NKAIN2: variants seen among roughly 807,000 people sequenced by gnomAD.
The protein encoded by NKAIN2 is sodium/potassium-transporting ATPase subunit beta-1-interacting protein 2.
NKAIN2 carries 14 observed loss-of-function variants against 32.6 expected under a neutral mutation model. The ratio of observed to expected loss-of-function variants is 0.43; its 90% CI spans 0.28 to 0.67. The LOEUF is 0.67. Among genes scored for constraint, NKAIN2 ranks in the 30% least tolerant of loss-of-function variants. NKAIN2 has a pLI of 0.17. For synonymous variants in NKAIN2, 80 were observed against 87.2 expected (o/e 0.92, Z 0.46); for missense variants, 198 against 258.3 (o/e 0.77, Z 1.60).
chr6:123,910,499 G>GTGTTT (rs1491095246), intron 1 of NKAIN2, among the ~76,000 whole-genome samples: 7 of 81,314 alleles, frequency 8.6e-5, no homozygotes, highest in African/African-American at 3.5e-4. Context: ...TGCAATGCAT[G>GTGTTT]TTTTTTTTTT....
At chr6:124,755,609 A>G (rs1777927147) in intron 4 of NKAIN2, among the ~76,000 whole-genome samples, 1 of 152,184 alleles carries the variant, frequency 6.6e-6, no homozygotes, top group Non-Finnish European at 1.5e-5. Flanking sequence ...CTAACACAGG[A>G]ACAGCAAATC....
chr6:124,375,005 G>A (rs1322590), intron 3 of NKAIN2, among the ~76,000 whole-genome samples: 29,815 of 151,754 alleles, frequency 0.2, 3,177 homozygotes, highest in Admixed American at 0.28. Context: ...ACTTTCTGCT[G>A]TCCTTCAAAA....
At chr6:124,684,444 C>T (rs571808775) in intron 4 of NKAIN2, among the ~76,000 whole-genome samples, 20 of 152,234 alleles carry the variant, frequency 1.3e-4, no homozygotes, top group African/African-American at 4.6e-4. Flanking sequence ...ACAACTTCTC[C>T]AGATAATTCT....
intron 1 of NKAIN2, among the ~76,000 whole-genome samples, chr6:124,200,609 T>TC (rs1790545999): frequency 1.3e-5 from 2 of 152,144 alleles, no homozygotes; most frequent in African/African-American, 4.8e-5. Flanking sequence ...TAGATAAATT[T>TC]CACATATGTA....
chr6:124,049,186 A>G (rs1018008162), intron 1 of NKAIN2, among the ~76,000 whole-genome samples: 36 of 152,060 alleles, frequency 2.4e-4, no homozygotes, highest in African/African-American at 8.4e-4. Context: ...TTTTACACGT[A>G]GGTTTTTTTG....
intron 3 of NKAIN2, among the ~76,000 whole-genome samples, chr6:124,388,859 A>T (rs1413702823): frequency 6.6e-6 from 1 of 151,898 alleles, no homozygotes; most frequent in Admixed American, 6.6e-5. Context: ...TTTTTTTGTC[A>T]GTGATTTTCC....
At chr6:124,645,753 G>A (rs1373017854) in intron 3 of NKAIN2, among the ~76,000 whole-genome samples, 4 of 152,172 alleles carry the variant, frequency 2.6e-5, no homozygotes, top group Non-Finnish European at 5.9e-5. Context: ...GAAAGTTAAA[G>A]ATAAGAATAA....
intron 1 of NKAIN2, among the ~76,000 whole-genome samples, chr6:123,913,544 G>C (rs960345297): frequency 1.3e-5 from 2 of 152,108 alleles, no homozygotes; most frequent in Non-Finnish European, 2.9e-5. Flanking sequence ...TTATTACCTA[G>C]ATGTATTGTG....
At chr6:123,869,531 A>G (rs1392036056) in intron 1 of NKAIN2, among the ~76,000 whole-genome samples, 5 of 152,176 alleles carry the variant, frequency 3.3e-5, no homozygotes, top group African/African-American at 1.2e-4. Flanking sequence ...TAAGAACACC[A>G]TGATTCGCCT....
At chr6:124,616,286 T>C (rs183974965) in intron 3 of NKAIN2, among the ~76,000 whole-genome samples, 46 of 152,190 alleles carry the variant, frequency 3.0e-4, no homozygotes, top group African/African-American at 1.1e-3. Flanking sequence ...CTAAAGTTTA[T>C]AGTTGTTATT....
intron 3 of NKAIN2, among the ~76,000 whole-genome samples, chr6:124,582,876 A>T (rs887283210): frequency 1.2e-4 from 19 of 152,282 alleles, no homozygotes; most frequent in African/African-American, 4.3e-4. Flanking sequence ...AAACCACATG[A>T]TTATTTCAAT....
At chr6:124,562,736 C>T (rs759686359) in intron 3 of NKAIN2, among the ~76,000 whole-genome samples, 87 of 152,154 alleles carry the variant, frequency 5.7e-4, no homozygotes, top group Non-Finnish European at 9.4e-4. Flanking sequence ...ATTTGTTTTA[C>T]CTTTTGCAAG....
chr6:124,760,319 G>T (rs1246127845), intron 4 of NKAIN2, among the ~76,000 whole-genome samples: 2 of 150,668 alleles, frequency 1.3e-5, no homozygotes, highest in Non-Finnish European at 3.0e-5. Context: ...TTAGTACCTG[G>T]GTGATGAAAT....
intron 1 of NKAIN2, among the ~76,000 whole-genome samples, chr6:123,824,462 A>G (rs556517336): frequency 2.8e-4 from 43 of 152,270 alleles, no homozygotes; most frequent in African/African-American, 9.9e-4. Flanking sequence ...GTCTAGCTAC[A>G]ATTCAAAAGA....
At chr6:124,805,821 C>T (rs1227349728) in intron 5 of NKAIN2, among the ~76,000 whole-genome samples, 9 of 152,126 alleles carry the variant, frequency 5.9e-5, no homozygotes, top group Non-Finnish European at 1.2e-4. Flanking sequence ...AAAGCCAAGG[C>T]ATGAGAACTA....
intron 4 of NKAIN2, among the ~76,000 whole-genome samples, chr6:124,662,313 A>G (rs1295458986): frequency 1.3e-5 from 2 of 152,062 alleles, no homozygotes; most frequent in Non-Finnish European, 2.9e-5. Context: ...TTATATATAT[A>G]TATATATGTA....
In NKAIN2 at chr6:124,569,184, G is replaced by T. The variant is rs6905796; in HGVS notation, c.274-89002G>T. Among the ~76,000 whole-genome samples the T allele has an allele frequency of 8.6e-5, 13 of 152,030 alleles. No individual in the cohort carries two copies. The East Asian group carries it at 2.1e-3, about 25-fold the overall frequency. ...ATTCACACTAACAAGTCTTAAATTG[G>T]CCTTCTTTCCTGCTTTCTATCTTGG... On this transcript the variant is annotated intron_variant, in intron 3 of 6. Transcript: ENST00000368417.
At chr6:124,725,421 G>C (rs1015216743) in intron 4 of NKAIN2, among the ~76,000 whole-genome samples, 5 of 152,038 alleles carry the variant, frequency 3.3e-5, no homozygotes, top group South Asian at 2.1e-4. Flanking sequence ...CTATTTTTAA[G>C]TCTTTGAGTT....
intron 4 of NKAIN2, among the ~76,000 whole-genome samples, chr6:124,692,499 A>T (rs1488887831): frequency 6.6e-6 from 1 of 152,130 alleles, no homozygotes; most frequent in African/African-American, 2.4e-5. Flanking sequence ...AATGAAGGTC[A>T]TTATCACTTC....
Sources: gnomAD v4.1 joint callset for allele counts (sites outside exome capture counted in the v4.1 genomes callset) on GRCh38, gnomAD v4.1.1 for gene constraint, MANE v1.5 for transcripts, NCBI Gene and HGNC (gene_info 2026-07-23, HGNC 2026-07-21) for gene names.